LRRC3C: variants seen among roughly 807,000 people sequenced by gnomAD.
The protein encoded by LRRC3C is leucine-rich repeat-containing protein 3C.
A neutral mutation model predicts 14.8 loss-of-function variants in LRRC3C; 11 were observed. That is an observed-to-expected ratio of 0.74 (90% CI 0.47 to 1.23). LRRC3C has a LOEUF of 1.23. Among genes scored for constraint, LRRC3C ranks in the 50% most tolerant of loss-of-function variants. The pLI, the probability that LRRC3C is intolerant of heterozygous loss-of-function variation, is 0.00. For missense variants in LRRC3C, 354 were observed against 361.8 expected (o/e 0.98, Z 0.18); for synonymous variants, 149 against 161.5 (o/e 0.92, Z 0.59).
chr17:39,932,559 A>G (rs896485526), intron 1 of LRRC3C, among the ~76,000 whole-genome samples: 5 of 126,892 alleles, frequency 3.9e-5, no homozygotes, highest in African/African-American at 1.5e-4. Flanking sequence ...ATCTCTATAA[A>G]AAACAAAAAT....
Position 39,944,889 on chromosome 17 carries a change from C to T in LRRC3C, c.*155C>T. 2.8e-6 allele frequency: 1 copy of T among 358,446 alleles called. No individual in the cohort carries two copies. Among genetic ancestry groups the T allele is most frequent in the South Asian group, 4.7e-5 (1 of 21,182 alleles). The allele number at this position is 358,446 out of a possible 1,614,324, so 22.2% of individuals were successfully genotyped here. A position where few individuals can be genotyped will look rare whatever the true frequency, so the allele number is the denominator to read the frequency against. Reference sequence around the variant, plus strand: ...TTCCCCCTAAATACCTGTGCTGGTTCTCTCTCTCTCTCTCTGTGTCGTCTT... The same window carrying T: ...TTCCCCCTAAATACCTGTGCTGGTTTTCTCTCTCTCTCTCTGTGTCGTCTT... On this transcript the variant is annotated 3_prime_UTR_variant, in exon 4 of 4. Coordinates refer to ENST00000377924, the MANE Select transcript of LRRC3C (RefSeq NM_001195545.2).
chr17:39,937,099 T>C (rs1029729913), intron 2 of LRRC3C, among the ~76,000 whole-genome samples: 13 of 151,762 alleles, frequency 8.6e-5, no homozygotes, highest in African/African-American at 3.2e-4. Context: ...ATCAAGCCAC[T>C]GCACTCCAGC....
At chr17:39,934,865 G>A (rs1170517865) in intron 1 of LRRC3C, 1 of 152,204 alleles carries the variant, frequency 6.6e-6, no homozygotes, top group African/African-American at 2.4e-5. Flanking sequence ...AACACGGGGT[G>A]GGTTATTCGT....
rs563787483 is a variant in LRRC3C, at chr17:39,944,242, T to C, written c.336T>C (p.His112=). ...TCCTGGAGGAGTTGGATCTGTCCCA[T>C]AATGCCCTTGCCCACCTCTCAGGGG... ...LPVLEELDLS[H]NALAHLSGAA... is the part of the protein sequence containing the mutation. The change falls in exon 4 of 4, where the codon CAT becomes CAC. Residue 112 remains histidine (H), a synonymous_variant. Transcript: ENST00000377924. 3 of 1,535,400 alleles carry C rather than the reference T, an allele frequency of 2.0e-6. No homozygotes were observed. Among genetic ancestry groups the C allele is most frequent in the African/African-American group, 2.7e-5 (2 of 73,152 alleles).
chr17:39,938,535 A>C (rs1174062968), intron 2 of LRRC3C, among the ~76,000 whole-genome samples: 1 of 39,712 alleles, frequency 2.5e-5, no homozygotes. Context: ...TCATCTCTAC[A>C]AAAAAAAAAA....
intron 1 of LRRC3C, among the ~76,000 whole-genome samples, chr17:39,934,129 G>A (rs1978733721): frequency 6.6e-6 from 1 of 152,190 alleles, no homozygotes; most frequent in Non-Finnish European, 1.5e-5. Context: ...TTTGGGCTGT[G>A]GAGAGAAAGG....
chr17:39,930,425 A>G (rs1179746101), intron 1 of LRRC3C, among the ~76,000 whole-genome samples: 2 of 109,820 alleles, frequency 1.8e-5, no homozygotes, highest in Non-Finnish European at 3.8e-5. Flanking sequence ...AAAAAAAAAA[A>G]GGCCGGGCAT....
At chr17:39,937,837 A>C (rs1978839995) in intron 2 of LRRC3C, among the ~76,000 whole-genome samples, 1 of 152,140 alleles carries the variant, frequency 6.6e-6, no homozygotes, top group East Asian at 1.9e-4. Context: ...GCTTTTGAAA[A>C]TTCCCATCAC....
intron 1 of LRRC3C, among the ~76,000 whole-genome samples, chr17:39,933,009 G>A (rs1259617538): frequency 6.6e-6 from 1 of 151,878 alleles, no homozygotes; most frequent in Non-Finnish European, 1.5e-5. Context: ...CAGAGATGGC[G>A]CCATTTTACT....
intron 1 of LRRC3C, among the ~76,000 whole-genome samples, chr17:39,929,905 G>A (rs1361791425): frequency 6.6e-6 from 1 of 152,062 alleles, no homozygotes; most frequent in East Asian, 1.9e-4. Context: ...AAAAGATGAG[G>A]ACACAAAATA....
intron 1 of LRRC3C, among the ~76,000 whole-genome samples, chr17:39,931,431 G>C (rs1386411408): frequency 2.5e-5 from 3 of 119,138 alleles, no homozygotes; most frequent in Admixed American, 1.0e-4. Flanking sequence ...GGGTGACAGA[G>C]AGAGACTTCG....
intron 1 of LRRC3C, among the ~76,000 whole-genome samples, chr17:39,929,824 T>C (rs185291663): frequency 6.6e-6 from 1 of 152,226 alleles, no homozygotes; most frequent in Admixed American, 6.5e-5. Context: ...CTGGATGGAA[T>C]AGTATGAAGC....
chr17:39,934,952 A>T (rs953415856), intron 1 of LRRC3C, among the ~76,000 whole-genome samples: 1 of 152,122 alleles, frequency 6.6e-6, no homozygotes, highest in African/African-American at 2.4e-5. Flanking sequence ...CGCGGCTGAA[A>T]GTGTAGCAGT....
chr17:39,934,514 A>AGGCACT (rs1978743563), intron 1 of LRRC3C: 1 of 152,166 alleles, frequency 6.6e-6, no homozygotes. Context: ...GCTATGTTCC[A>AGGCACT]GGCACTGGGC....
At chr17:39,935,091 C>G (rs770765625) in intron 1 of LRRC3C, among the ~76,000 whole-genome samples, 1 of 152,296 alleles carries the variant, frequency 6.6e-6, no homozygotes, top group East Asian at 1.9e-4. Context: ...CTATCTCATC[C>G]TGTGACTTAG....
At position 39,932,516 on chromosome 17, in the gene LRRC3C, A is replaced by C. The variant is rs988174413; in HGVS notation, c.-174-3286A>C. On this transcript the variant is annotated intron_variant, in intron 1 of 3. Transcript: ENST00000377924. ...GCCAGGAGTTCAAGACCAGCCTGGCAACGTAATGAGACCCCCCCCCCACCC... is the reference window on the plus strand; with the variant it reads ...GCCAGGAGTTCAAGACCAGCCTGGCCACGTAATGAGACCCCCCCCCCACCC... Among the ~76,000 whole-genome samples, 29 of 132,596 alleles carry C rather than the reference A, an allele frequency of 2.2e-4. 1 individual carries two copies. The highest frequency in any genetic ancestry group is 3.9e-4 in the Non-Finnish European group (24 of 61,038). The allele number at this position is 132,596 out of a possible 152,430, so 87.0% of individuals were successfully genotyped here.
rs1979014640 is a variant in LRRC3C at position 39,944,159 on chromosome 17, T to C, written c.253T>C (p.Tyr85His). ...SGIPNDTRKL[Y>H]LDANQLASVP... ...CATCCCCAATGACACCCGCAAGCTC[T>C]ACCTGGATGCCAACCAGCTGGCATC... Residue 85 changes from tyrosine to histidine, a missense_variant, in exon 4 of 4, where the codon TAC (tyrosine) becomes CAC (histidine). Physicochemically the swap from Tyr to His is moderately conservative, Grantham distance 83 (BLOSUM62 2). Transcript: ENST00000377924. 6.5e-7 allele frequency: 1 copy of C among 1,536,030 alleles called. No homozygotes were observed. The highest frequency in any genetic ancestry group is 1.4e-5 in the African/African-American group (1 of 73,050).
rs1249221816 is a variant in LRRC3C at position 39,943,945 on chromosome 17, T to G, written c.39T>G (p.Thr13=). The G allele has an allele frequency of 2.1e-5, 32 of 1,535,962 alleles. No homozygotes were observed. The highest frequency in any genetic ancestry group is 2.6e-5 in the Non-Finnish European group (30 of 1,146,892). Residue 13 remains threonine (T), a synonymous_variant, in exon 4 of 4, where the codon ACT becomes ACG. Coordinates refer to ENST00000377924, the MANE Select transcript of LRRC3C (RefSeq NM_001195545.2). ...TTTCCTTCCCCAGATCCTACTGCAC[T>G]CCAGGACTATGCCAATTTATGGCCA... ...MTSSSFVSYC[T]PGLCQFMAML...
intron 1 of LRRC3C, among the ~76,000 whole-genome samples, chr17:39,930,849 A>C (rs1978630926): frequency 6.6e-6 from 1 of 151,932 alleles, no homozygotes; most frequent in African/African-American, 2.4e-5. Flanking sequence ...TTAATTTAAA[A>C]AGTCCTCCAT....
Sources: allele counts gnomAD v4.1 joint callset (sites outside exome capture counted in the v4.1 genomes callset), GRCh38; gene constraint gnomAD v4.1.1; transcripts MANE v1.5; gene names NCBI Gene and HGNC (gene_info 2026-07-23, HGNC 2026-07-21).